DTNA: variants seen among roughly 807,000 people sequenced by gnomAD.
DTNA encodes the protein dystrophin-related protein 3.
Under a neutral mutation model 100.7 loss-of-function variants are expected in DTNA, and 43 were observed. That is an observed-to-expected ratio of 0.43 (90% CI 0.33 to 0.55). The LOEUF (loss-of-function observed/expected upper bound fraction) is 0.55, where lower values mean the gene tolerates loss of function less well. Ranked by LOEUF, DTNA falls within the 20% of genes least tolerant of loss-of-function variation. The pLI is 0.04. For missense variants in DTNA, 798 were observed against 953.9 expected, an observed-to-expected ratio of 0.84 and a Z score of 2.15; for synonymous variants, 349 against 347.9, an observed-to-expected ratio of 1.00 and a Z score of -0.04.
intron 17 of DTNA, chr18:34,866,370 G>A: frequency 7.2e-7 from 1 of 1,398,588 alleles, no homozygotes; most frequent in Non-Finnish European, 9.3e-7. Context: ...TTTTAGAAAA[G>A]GGAACGAATT....
At position 34,818,282 on chromosome 18, in the gene DTNA, C is replaced by T. The variant is rs756146461; in HGVS notation, c.828C>T (p.Ala276=). ...LCQDCFWRGH[A]GGSHSNQHQM... ...AGGACTGCTTCTGGAGGGGACATGC[C>T]GGTGGTTCTCATAGCAACCAGCACC... is the stretch of plus-strand genomic sequence containing the variant. The change falls in exon 8 of 23, where the codon GCC becomes GCT. Residue 276 remains alanine (A), a synonymous_variant. Transcript: ENST00000444659. The T allele has an allele frequency of 1.2e-5, 20 of 1,614,002 alleles. No homozygotes were observed. Among genetic ancestry groups the T allele is most frequent in the East Asian group, 8.9e-5 (4 of 44,880 alleles).
intron 11 of DTNA, among the ~76,000 whole-genome samples, chr18:34,836,895 A>G (rs2096162075): frequency 6.6e-6 from 1 of 152,102 alleles, no homozygotes; most frequent in East Asian, 1.9e-4. Flanking sequence ...AATTCCAACT[A>G]TAATGTGCAT....
At chr18:34,580,474 C>G (rs113645807) in intron 1 of DTNA, among the ~76,000 whole-genome samples, 1 of 151,778 alleles carries the variant, frequency 6.6e-6, no homozygotes, top group Non-Finnish European at 1.5e-5. Context: ...TGTGTGGGGT[C>G]GGGGGGATGC....
intron 3 of DTNA, among the ~76,000 whole-genome samples, chr18:34,770,419 C>T (rs2093705820): frequency 6.6e-6 from 1 of 152,258 alleles, no homozygotes; most frequent in Non-Finnish European, 1.5e-5. Flanking sequence ...TCTTTTTTAT[C>T]TATTATCTAA....
At chr18:34,872,672 G>A (rs1372518807) in intron 17 of DTNA, among the ~76,000 whole-genome samples, 1 of 152,180 alleles carries the variant, frequency 6.6e-6, no homozygotes, top group Non-Finnish European at 1.5e-5. Flanking sequence ...ATCACCCTGA[G>A]CACCCATACA....
chr18:34,563,420 A>G (rs2046813176), intron 1 of DTNA, among the ~76,000 whole-genome samples: 3 of 152,340 alleles, frequency 2.0e-5, no homozygotes, highest in Middle Eastern at 3.4e-3. Flanking sequence ...CTCCTAAACT[A>G]TTATGGAATA....
At chr18:34,866,387 T>C in intron 17 of DTNA, 1 of 1,372,422 alleles carries the variant, frequency 7.3e-7, no homozygotes, top group Non-Finnish European at 9.4e-7. Context: ...AATTGTCATT[T>C]ATTGGAAACA....
chr18:34,637,592 C>T (rs1453267096), intron 1 of DTNA, among the ~76,000 whole-genome samples: 1 of 152,192 alleles, frequency 6.6e-6, no homozygotes. Context: ...AGCACTGTCA[C>T]CCTCACCACC....
chr18:34,499,115 A>T (rs1160565654), intron 1 of DTNA, among the ~76,000 whole-genome samples: 1 of 152,206 alleles, frequency 6.6e-6, no homozygotes, highest in Non-Finnish European at 1.5e-5. Flanking sequence ...TTCTATGGCA[A>T]CACCAACTTG....
At chr18:34,802,975 T>C (rs976898972) in intron 4 of DTNA, among the ~76,000 whole-genome samples, 2 of 152,184 alleles carry the variant, frequency 1.3e-5, no homozygotes, top group Non-Finnish European at 2.9e-5. Flanking sequence ...ATAATGTTCT[T>C]TTAAAAAAGA....
intron 2 of DTNA, among the ~76,000 whole-genome samples, chr18:34,761,353 A>G (rs1183113372): frequency 6.6e-6 from 1 of 152,224 alleles, no homozygotes; most frequent in African/African-American, 2.4e-5. Context: ...ATAAAAGGCA[A>G]AACATACAAA....
chr18:34,879,805 G>C, intron 20 of DTNA, 86 bp downstream of exon 20: 1 of 1,548,694 alleles, frequency 6.5e-7, no homozygotes, highest in South Asian at 1.2e-5. Context: ...AATTGTTTAG[G>C]GTTTTTTTAA....
chr18:34,869,792 C>T (rs1030054740), intron 17 of DTNA, among the ~76,000 whole-genome samples: 2 of 152,218 alleles, frequency 1.3e-5, no homozygotes, highest in African/African-American at 2.4e-5. Flanking sequence ...GAGGCCGAGG[C>T]AGGCAGATCA....
chr18:34,882,162 G>A lies in DTNA; in HGVS notation c.2256G>A (p.Glu752=). ...AGCTGGAGAATGAGCTCCAGATGGA[G>A]GAATACCTGAAACAGAAGCTGCAAG... ...VRQLENELQM[E]EYLKQKLQDE... The change falls in exon 21 of 23, where the codon GAG becomes GAA. Residue 752 remains glutamate, a synonymous_variant. Transcript: ENST00000444659. 1 of 1,613,980 alleles carries A rather than the reference G, an allele frequency of 6.2e-7. No individual in the cohort carries two copies. Among genetic ancestry groups the A allele is most frequent in the Non-Finnish European group, 8.5e-7 (1 of 1,179,966 alleles).
chr18:34,562,524 C>T (rs2046730683), intron 1 of DTNA, among the ~76,000 whole-genome samples: 1 of 151,866 alleles, frequency 6.6e-6, no homozygotes, highest in Non-Finnish European at 1.5e-5. Context: ...TTTTTCTTTA[C>T]CATGCAGCAT....
At chr18:34,880,099 A>G (rs2096857848) in intron 20 of DTNA, among the ~76,000 whole-genome samples, 1 of 152,206 alleles carries the variant, frequency 6.6e-6, no homozygotes, top group Non-Finnish European at 1.5e-5. Flanking sequence ...AGAGGATACC[A>G]TGACATTGGA....
At chr18:34,873,511 C>T (rs1303277439) in intron 17 of DTNA, among the ~76,000 whole-genome samples, 1 of 152,218 alleles carries the variant, frequency 6.6e-6, no homozygotes, top group African/African-American at 2.4e-5. Context: ...CCATGGCCAG[C>T]AAGGCTCCCG....
At chr18:34,720,690 C>A (rs1401866304) in intron 1 of DTNA, among the ~76,000 whole-genome samples, 2 of 152,096 alleles carry the variant, frequency 1.3e-5, no homozygotes, top group African/African-American at 4.8e-5. Context: ...AGGCCGACCA[C>A]CCAATAAGAG....
At chr18:34,552,231 T>A (rs1189018960) in intron 1 of DTNA, among the ~76,000 whole-genome samples, 1 of 152,092 alleles carries the variant, frequency 6.6e-6, no homozygotes, top group Non-Finnish European at 1.5e-5. Flanking sequence ...TTTTGAAAGG[T>A]GCATTTAATG....
Sources: allele counts gnomAD v4.1 joint callset (sites outside exome capture counted in the v4.1 genomes callset), GRCh38; gene constraint gnomAD v4.1.1; transcripts MANE v1.5; gene names NCBI Gene and HGNC (gene_info 2026-07-23, HGNC 2026-07-21).